The following RALGAPA1 variants were observed in gnomAD, a reference collection of about 807,000 sequenced individuals.
RALGAPA1 encodes the protein Ral GTPase activating protein catalytic subunit alpha 1, also known as ral GTPase-activating protein subunit alpha-1.
A neutral mutation model predicts 269.6 loss-of-function variants in RALGAPA1; 52 were observed. The observed-to-expected ratio is 0.19, with a 90% CI of 0.15 to 0.24. The LOEUF (loss-of-function observed/expected upper bound fraction) is 0.24, where lower values mean the gene tolerates loss of function less well. RALGAPA1 is among the 10% of genes least tolerant of loss of function. RALGAPA1 has a pLI of 1.00. For synonymous variants in RALGAPA1, 817 were observed against 1,008.3 expected (o/e 0.81, Z 3.60); for missense variants, 1,917 against 3,013.9 (o/e 0.64, Z 8.52).
In RALGAPA1 at chr14:35,685,042, C is replaced by T. The variant is rs753069971; in HGVS notation, c.4181G>A (p.Gly1394Asp). Residue 1394 changes from glycine (G) to aspartate (D), a missense_variant, in exon 20 of 42, where the codon GGT becomes GAT. By Grantham distance (94) the Gly-to-Asp change is moderately conservative (BLOSUM62 -1). Around this residue, in one of 11 missense-constraint regions of RALGAPA1, gnomAD observed 615 missense variants for 790.0 expected, o/e 0.78. Coordinates refer to ENST00000680220, the MANE Select transcript of RALGAPA1 (RefSeq NM_001346249.2). ...QNQMRPIDDP[G>D]VPSEWTSPAS... Reference sequence around the variant, plus strand: ...AGGAGAAGTCCATTCTGAGGGCACACCTGGGTCATCAATAGGGCGCATCTG... The same window carrying T: ...AGGAGAAGTCCATTCTGAGGGCACATCTGGGTCATCAATAGGGCGCATCTG... 3 of 1,608,624 alleles carry T rather than the reference C, an allele frequency of 1.9e-6. No individual in the cohort carries two copies. The highest frequency in any genetic ancestry group is 2.2e-5 in the South Asian group (2 of 89,992).
chr14:35,569,651 G>C (rs1218493475), intron 39 of RALGAPA1, among the ~76,000 whole-genome samples: 1 of 151,986 alleles, frequency 6.6e-6, no homozygotes, highest in Non-Finnish European at 1.5e-5. Flanking sequence ...TGATTATGTT[G>C]TTCCCTCTGC....
chr14:35,644,559 C>T (rs898397140), intron 31 of RALGAPA1, among the ~76,000 whole-genome samples: 1 of 152,170 alleles, frequency 6.6e-6, no homozygotes, highest in Non-Finnish European at 1.5e-5. Context: ...TTGGTAAAGA[C>T]AAGCACTCTT....
chr14:35,807,362 G>A (rs2077448207), intron 1 of RALGAPA1, among the ~76,000 whole-genome samples: 2 of 152,144 alleles, frequency 1.3e-5, no homozygotes, highest in Admixed American at 1.3e-4. Context: ...ATATTTAGAA[G>A]CTTTACATTT....
chr14:35,749,546 A>T (rs1249126691), intron 9 of RALGAPA1, among the ~76,000 whole-genome samples: 2 of 152,124 alleles, frequency 1.3e-5, no homozygotes, highest in African/African-American at 4.8e-5. Context: ...TCATCCATAA[A>T]ATAACAGAGC....
chr14:35,769,035 A>T (rs868660555), intron 4 of RALGAPA1, among the ~76,000 whole-genome samples: 1 of 58,308 alleles, frequency 1.7e-5, no homozygotes, highest in African/African-American at 8.9e-5. Context: ...AAAAAAAAAA[A>T]ATATATATAT....
At position 35,561,164 on chromosome 14, in the gene RALGAPA1, T is replaced by A. The variant is rs183922167; in HGVS notation, c.7496+9453A>T. ...AACGCTTGAAACTGGAAAGTGGAGG[T>A]TGCAGTGAGCCGAGATGGCGCCACT... On this transcript the variant is annotated intron_variant, in intron 39 of 41. Transcript: ENST00000680220. Among the ~76,000 whole-genome samples the A allele has an allele frequency of 4.5e-4, 62 of 137,606 alleles. No homozygotes were observed. The East Asian group carries it at 7.7e-3, about 17-fold the overall frequency. 90.3% of individuals were successfully genotyped at this position (137,606 alleles called of 152,430 possible).
Position 35,762,724 on chromosome 14 carries a change from CTG to C in RALGAPA1, c.353_354del (p.Thr118ArgfsTer7). ...CATAGTTGTACCTTTAAGGAGTTTC[CTG>C]TGTGAAGTAGCTTCTTTAAAATCAA... Reference protein sequence around the residue: ...IGLILKKLLHTGNSLKIRREG... With the variant: ...IGLILKKLLHXGNSLKIRREG... On this transcript the variant is annotated frameshift_variant, in exon 5 of 42. Transcript: ENST00000680220. LOFTEE classifies it high-confidence loss of function. The C allele has an allele frequency of 1.3e-6, 2 of 1,520,626 alleles. No homozygotes were observed. The highest frequency in any genetic ancestry group is 1.8e-6 in the Non-Finnish European group (2 of 1,095,202). The allele number at this position is 1,520,626 out of a possible 1,614,324, so 94.2% of individuals were successfully genotyped here.
chr14:35,672,290 A>C (rs1233810342), intron 25 of RALGAPA1, among the ~76,000 whole-genome samples: 1 of 152,138 alleles, frequency 6.6e-6, no homozygotes, highest in East Asian at 1.9e-4. Context: ...CATTATTCTG[A>C]CTTGCAACCT....
At chr14:35,758,343 T>C (rs1441499576) in intron 6 of RALGAPA1, among the ~76,000 whole-genome samples, 1 of 150,702 alleles carries the variant, frequency 6.6e-6, no homozygotes, top group African/African-American at 2.4e-5. Context: ...ACTGTCATCA[T>C]ACAGAAGAAC....
chr14:35,740,432 G>A (rs2071435292), intron 11 of RALGAPA1, among the ~76,000 whole-genome samples: 1 of 152,176 alleles, frequency 6.6e-6, no homozygotes, highest in African/African-American at 2.4e-5. Flanking sequence ...CACAGCACAT[G>A]ACAGTCCTAC....
Position 35,627,462 on chromosome 14 carries a change from C to G in RALGAPA1, c.6485G>C (p.Gly2162Ala). 6.2e-7 allele frequency: 1 copy of G among 1,613,458 alleles called. No individual in the cohort carries two copies. Among genetic ancestry groups the G allele is most frequent in the Non-Finnish European group, 8.5e-7 (1 of 1,179,864 alleles). ...AAATCTTTTAAACTGGAGAGAAAGT[C>G]CATCTTTTACGGTTATATCTTCTAA... The part of the protein sequence containing the change: ...ECLEDITVKD[G>A]LSLQFKRFRE... The change falls in exon 34 of 42, where the codon GGA (glycine) becomes GCA (alanine). Residue 2162 changes from glycine to alanine, a missense_variant. Around this residue, in one of 11 missense-constraint regions of RALGAPA1, gnomAD observed 25 missense variants for 19.2 expected, o/e 1.30. Coordinates refer to ENST00000680220, the MANE Select transcript of RALGAPA1 (RefSeq NM_001346249.2).
intron 39 of RALGAPA1, among the ~76,000 whole-genome samples, chr14:35,557,390 G>C (rs1389528130): frequency 6.6e-6 from 1 of 151,126 alleles, no homozygotes; most frequent in Non-Finnish European, 1.5e-5. Flanking sequence ...ATTTAATTAA[G>C]ATTTTATTTA....
At chr14:35,579,828 A>G (rs560203631) in intron 37 of RALGAPA1, among the ~76,000 whole-genome samples, 10 of 152,314 alleles carry the variant, frequency 6.6e-5, no homozygotes, top group South Asian at 2.1e-4. Flanking sequence ...AACAATGAGT[A>G]TAATTTCACA....
At chr14:35,621,999 C>G (rs997987982) in intron 35 of RALGAPA1, among the ~76,000 whole-genome samples, 1 of 152,176 alleles carries the variant, frequency 6.6e-6, no homozygotes, top group African/African-American at 2.4e-5. Flanking sequence ...TTTGACCCAG[C>G]AATACCGTTA....
intron 17 of RALGAPA1, among the ~76,000 whole-genome samples, chr14:35,695,815 CTCTT>C (rs1476160297): frequency 3.9e-5 from 6 of 152,154 alleles, no homozygotes; most frequent in Non-Finnish European, 7.3e-5. Context: ...TCTGGCTTCT[CTCTT>C]ATCTGTTTAT....
At chr14:35,655,457 T>C (rs1368606078) in intron 29 of RALGAPA1, among the ~76,000 whole-genome samples, 1 of 151,788 alleles carries the variant, frequency 6.6e-6, no homozygotes, top group Non-Finnish European at 1.5e-5. Context: ...CAGGGAGTGG[T>C]AATAAAGATC....
At chr14:35,650,103 A>G (rs1178467403) in intron 31 of RALGAPA1, among the ~76,000 whole-genome samples, 1 of 152,142 alleles carries the variant, frequency 6.6e-6, no homozygotes, top group Non-Finnish European at 1.5e-5. Context: ...CGGATGAGGT[A>G]GCTCACGCCT....
At chr14:35,719,274 T>A (rs1057121749) in intron 16 of RALGAPA1, among the ~76,000 whole-genome samples, 1 of 152,068 alleles carries the variant, frequency 6.6e-6, no homozygotes, top group Non-Finnish European at 1.5e-5. Flanking sequence ...TACAGTGAGC[T>A]GGGATTGCAC....
intron 4 of RALGAPA1, chr14:35,767,139 T>A (rs2074224641): frequency 5.0e-6 from 1 of 201,040 alleles, no homozygotes; most frequent in Non-Finnish European, 1.0e-5. Context: ...GCAAAATTTT[T>A]AAAAATTATT....
Sources: gnomAD v4.1 joint callset for allele counts (sites outside exome capture counted in the v4.1 genomes callset) on GRCh38, gnomAD v4.1.1 for gene constraint, gnomAD v4.1.1 regional missense constraint, MANE v1.5 for transcripts, NCBI Gene and HGNC (gene_info 2026-07-23, HGNC 2026-07-21) for gene names.